PPFIA2: variants seen among roughly 807,000 people sequenced by gnomAD.
PPFIA2 encodes liprin-alpha-2.
A neutral mutation model predicts 175.5 loss-of-function variants in PPFIA2; 46 were observed. That is an observed-to-expected ratio of 0.26 (90% confidence interval 0.21 to 0.34). The LOEUF (loss-of-function observed/expected upper bound fraction) is 0.34. Ranked by LOEUF, PPFIA2 falls within the 10% of genes least tolerant of loss-of-function variation. The pLI is 1.00. For missense variants in PPFIA2, 1,179 were observed against 1,506.1 expected (o/e 0.78, Z 3.60); for synonymous variants, 568 against 511.4 (o/e 1.11, Z -1.49).
chr12:81,578,540 T>G (rs1431259695), intron 4 of PPFIA2, among the ~76,000 whole-genome samples: 1 of 151,874 alleles, frequency 6.6e-6, no homozygotes, highest in Non-Finnish European at 1.5e-5. Flanking sequence ...TATTTTATTT[T>G]TATTTAAAAA....
At chr12:81,711,744 G>A (rs571308123) in intron 3 of PPFIA2, among the ~76,000 whole-genome samples, 29 of 150,002 alleles carry the variant, frequency 1.9e-4, no homozygotes, top group Non-Finnish European at 3.5e-4. Context: ...TTCCGTCTCT[G>A]TGGTGAAGCT....
intron 8 of PPFIA2, among the ~76,000 whole-genome samples, chr12:81,384,977 C>T (rs1522321): frequency 0.19 from 29,299 of 151,628 alleles, 2,936 homozygotes; most frequent in Middle Eastern, 0.23. Flanking sequence ...AGCTAAAGTC[C>T]GAAATATATA....
intron 12 of PPFIA2, 45 bp downstream of exon 12, chr12:81,369,066 T>C: frequency 6.8e-7 from 1 of 1,471,612 alleles, no homozygotes; most frequent in Admixed American, 1.9e-5. Context: ...AGAATACGAA[T>C]TCATAAACCA....
chr12:81,419,909 C>G (rs927040583), intron 7 of PPFIA2, among the ~76,000 whole-genome samples: 1 of 152,182 alleles, frequency 6.6e-6, no homozygotes, highest in Non-Finnish European at 1.5e-5. Flanking sequence ...GAAGAATCCC[C>G]TCTACCACAA....
At chr12:81,315,562 G>T (rs2052137491) in intron 22 of PPFIA2, among the ~76,000 whole-genome samples, 1 of 151,746 alleles carries the variant, frequency 6.6e-6, no homozygotes, top group African/African-American at 2.4e-5. Flanking sequence ...TGATTAGCAA[G>T]AAATGAGATG....
At chr12:81,294,415 A>G (rs2045888596) in intron 24 of PPFIA2, among the ~76,000 whole-genome samples, 1 of 143,912 alleles carries the variant, frequency 6.9e-6, no homozygotes, top group Non-Finnish European at 1.5e-5. Context: ...GGAAGGAAGA[A>G]GGGAAGGAAG....
intron 4 of PPFIA2, among the ~76,000 whole-genome samples, chr12:81,587,677 C>A (rs1251206067): frequency 6.6e-6 from 1 of 151,908 alleles, no homozygotes; most frequent in East Asian, 1.9e-4. Flanking sequence ...ATTGAAATTA[C>A]CCAATTTATA....
At chr12:81,352,319 A>G (rs2060154336) in intron 17 of PPFIA2, among the ~76,000 whole-genome samples, 1 of 151,514 alleles carries the variant, frequency 6.6e-6, no homozygotes, top group African/African-American at 2.4e-5. Flanking sequence ...TTTTTGGTAA[A>G]GGCTCTCTGT....
At chr12:81,525,893 G>C (rs1253873709) in intron 4 of PPFIA2, among the ~76,000 whole-genome samples, 2 of 151,690 alleles carry the variant, frequency 1.3e-5, no homozygotes, top group Admixed American at 1.3e-4. Context: ...TTTTATTTTT[G>C]GCTAGAATAA....
At chr12:81,453,823 T>C (rs530239909) in intron 5 of PPFIA2, among the ~76,000 whole-genome samples, 1 of 152,234 alleles carries the variant, frequency 6.6e-6, no homozygotes, top group South Asian at 2.1e-4. Flanking sequence ...GAAAACATAA[T>C]ACATGGCCAG....
intron 4 of PPFIA2, among the ~76,000 whole-genome samples, chr12:81,529,419 TGA>T (rs1486759578): frequency 2.0e-5 from 3 of 151,818 alleles, no homozygotes; most frequent in African/African-American, 7.3e-5. Context: ...CAATCTTCTA[TGA>T]GAGAAGAAAA....
intron 6 of PPFIA2, 88 bp from the exon 7 acceptor site, chr12:81,440,134 G>T: frequency 1.1e-6 from 1 of 948,732 alleles, no homozygotes; most frequent in Non-Finnish European, 1.5e-6. Context: ...ATCAGAGACA[G>T]TCAATTTGGC....
At chr12:81,278,846 C>T (rs1164987017) in intron 27 of PPFIA2, among the ~76,000 whole-genome samples, 2 of 152,106 alleles carry the variant, frequency 1.3e-5, no homozygotes, top group African/African-American at 4.8e-5. Context: ...GGAATATAAG[C>T]AAATTTAGAC....
At chr12:81,302,172 T>G in intron 22 of PPFIA2, 1 of 415,142 alleles carries the variant, frequency 2.4e-6, no homozygotes, top group Non-Finnish European at 4.8e-6. Context: ...CCAAATAGCT[T>G]TTTCTATTTT....
chr12:81,743,859 T>C (rs1318101766), intron 3 of PPFIA2, among the ~76,000 whole-genome samples: 4 of 152,162 alleles, frequency 2.6e-5, no homozygotes, highest in South Asian at 2.1e-4. Context: ...AAATAAAATA[T>C]AGATAGCAAC....
At chr12:81,289,789 C>T (rs1020406531) in intron 24 of PPFIA2, among the ~76,000 whole-genome samples, 3 of 151,836 alleles carry the variant, frequency 2.0e-5, no homozygotes, top group African/African-American at 7.2e-5. Context: ...TTTAACATTT[C>T]TGTAATTTTT....
At chr12:81,329,431 T>C (rs774173146) in intron 21 of PPFIA2, among the ~76,000 whole-genome samples, 4 of 152,204 alleles carry the variant, frequency 2.6e-5, no homozygotes, top group Non-Finnish European at 5.9e-5. Context: ...CTTGGAATTA[T>C]TGAGGGCAAG....
chr12:81,566,530 C>CAAAAAAAAAAAAAAAAA (rs3075452), intron 4 of PPFIA2, among the ~76,000 whole-genome samples: 137 of 68,408 alleles, frequency 2.0e-3, no homozygotes, highest in Middle Eastern at 0.012. Flanking sequence ...GACTCCAACT[C>CAAAAAAAAAAAAAAAAA]AAAAAAAAAA....
rs957250318 is a variant in PPFIA2, at chr12:81,721,583, A to C, written c.249+32390T>G. Reference sequence around the variant, plus strand: ...ATTTCAAAAGAATTGGGGGTCTCACAAAGCATAAAGCTTATCCCCCCTCAC... The same window carrying C: ...ATTTCAAAAGAATTGGGGGTCTCACCAAGCATAAAGCTTATCCCCCCTCAC... On this transcript the variant is annotated intron_variant, in intron 3 of 32. Coordinates refer to ENST00000549396, the MANE Select transcript of PPFIA2 (RefSeq NM_003625.5). Among the ~76,000 whole-genome samples, 3 of 151,372 alleles carry C rather than the reference A, an allele frequency of 2.0e-5. No homozygotes were observed. The South Asian group carries it at 6.2e-4, about 31-fold the overall frequency.
Sources: allele counts gnomAD v4.1 joint callset (sites outside exome capture counted in the v4.1 genomes callset), GRCh38; gene constraint gnomAD v4.1.1; transcripts MANE v1.5; gene names NCBI Gene and HGNC (gene_info 2026-07-23, HGNC 2026-07-21).